GALNTL5: variants seen among roughly 807,000 people sequenced by gnomAD.
GALNTL5 encodes polypeptide N-acetylgalactosaminyltransferase like 5, also known as inactive polypeptide N-acetylgalactosaminyltransferase-like protein 5.
GALNTL5 carries 44 observed loss-of-function variants against 51.0 expected under a neutral mutation model. That is an observed-to-expected ratio of 0.86 (90% CI 0.68 to 1.11). The LOEUF is 1.11. Ranked by LOEUF, GALNTL5 falls within the 50% of genes least tolerant of loss-of-function variation. The pLI is 0.00. For synonymous variants in GALNTL5, 192 were observed against 182.8 expected, an observed-to-expected ratio of 1.05 and a Z score of -0.41; for missense variants, 528 against 531.8, an observed-to-expected ratio of 0.99 and a Z score of 0.07.
chr7:151,983,891 G>C (rs552598852), intron 4 of GALNTL5, among the ~76,000 whole-genome samples: 44 of 152,282 alleles, frequency 2.9e-4, no homozygotes, highest in African/African-American at 1.0e-3. Flanking sequence ...AGAGTTGCAG[G>C]GGGGAGGTGG....
chr7:151,999,120 T>G (rs559431505), intron 5 of GALNTL5, among the ~76,000 whole-genome samples: 12 of 152,340 alleles, frequency 7.9e-5, no homozygotes, highest in African/African-American at 2.6e-4. Flanking sequence ...ATCAACGGAA[T>G]CATACAATAT....
At chr7:152,018,833 C>G (rs373771934) in intron 8 of GALNTL5, among the ~76,000 whole-genome samples, 2 of 152,114 alleles carry the variant, frequency 1.3e-5, no homozygotes, top group Non-Finnish European at 2.9e-5. Flanking sequence ...ATATGGCATG[C>G]CCATAATACA....
chr7:152,004,686 T>C (rs970204261), intron 6 of GALNTL5, among the ~76,000 whole-genome samples: 1 of 152,244 alleles, frequency 6.6e-6, no homozygotes, highest in Non-Finnish European at 1.5e-5. Flanking sequence ...TTCCCACTTA[T>C]AAATGAGAAC....
intron 1 of GALNTL5, among the ~76,000 whole-genome samples, chr7:151,959,018 T>C (rs554584044): frequency 3.0e-4 from 45 of 152,224 alleles, no homozygotes; most frequent in Non-Finnish European, 5.4e-4. Flanking sequence ...AATAACACCA[T>C]TTGATTGGCT....
Position 151,987,147 on chromosome 7 carries a change from A to G in GALNTL5, c.536-12A>G. On this transcript the variant is annotated splice_polypyrimidine_tract_variant and intron_variant, in intron 4 of 8. Coordinates refer to ENST00000392800, the MANE Select transcript of GALNTL5 (RefSeq NM_145292.4). Reference sequence around the variant, plus strand: ...CCGTTTATACATTCTCATGTGTTGAATATTTTTCCAGATGATTTGAAAGAA... The same window carrying G: ...CCGTTTATACATTCTCATGTGTTGAGTATTTTTCCAGATGATTTGAAAGAA... 6.3e-7 allele frequency: 1 copy of G among 1,585,466 alleles called. No homozygotes were observed. The highest frequency in any genetic ancestry group is 1.2e-5 in the South Asian group (1 of 84,798).
chr7:151,967,604 G>A (rs758458001), intron 2 of GALNTL5, 111 bp downstream of exon 2: 5 of 845,202 alleles, frequency 5.9e-6, no homozygotes, highest in South Asian at 1.9e-5. Context: ...TACTTTTTAA[G>A]ATATAAATTA....
intron 4 of GALNTL5, chr7:151,984,150 G>C (rs1378633310): frequency 6.6e-6 from 1 of 152,230 alleles, no homozygotes. Context: ...GCAGGAAAAT[G>C]AGATGATCTA....
intron 7 of GALNTL5, among the ~76,000 whole-genome samples, chr7:152,013,273 G>A (rs1396272545): frequency 6.6e-6 from 1 of 151,798 alleles, no homozygotes; most frequent in Non-Finnish European, 1.5e-5. Context: ...GAAATGACCT[G>A]TGCTCAAAAC....
At chr7:151,988,152 A>G (rs1770594552) in intron 5 of GALNTL5, among the ~76,000 whole-genome samples, 1 of 152,212 alleles carries the variant, frequency 6.6e-6, no homozygotes, top group Non-Finnish European at 1.5e-5. Context: ...GGCATGGACC[A>G]GTCATTGGAT....
chr7:151,997,659 T>A (rs1415436468), intron 5 of GALNTL5, among the ~76,000 whole-genome samples: 2 of 152,358 alleles, frequency 1.3e-5, no homozygotes, highest in Middle Eastern at 3.4e-3. Flanking sequence ...ATTTATGGTC[T>A]TTCTGGGTCA....
At chr7:151,992,104 T>C (rs183340497) in intron 5 of GALNTL5, among the ~76,000 whole-genome samples, 29 of 152,348 alleles carry the variant, frequency 1.9e-4, no homozygotes, top group South Asian at 1.0e-3. Context: ...TTGGTATATT[T>C]GATCTTGTAA....
chr7:151,971,603 A>G (rs2081143637), intron 3 of GALNTL5, among the ~76,000 whole-genome samples: 1 of 152,148 alleles, frequency 6.6e-6, no homozygotes, highest in Non-Finnish European at 1.5e-5. Flanking sequence ...ATCCATCTCC[A>G]GAACTCTCTC....
chr7:151,987,226 C>A lies in GALNTL5; in HGVS notation c.603C>A (p.Asn201Lys). The A allele has an allele frequency of 1.3e-6, 2 of 1,598,688 alleles. No homozygotes were observed. The highest frequency in any genetic ancestry group is 1.8e-5 in the Admixed American group (1 of 56,228). ...TFRGKVKIIR[N>K]KKREGLIRAR... ...GGGGAAAGGTTAAAATAATAAGAAA[C>A]AAAAAGAGAGAGGGGCTGATTCGAG... Residue 201 changes from asparagine to lysine, a missense_variant, in exon 5 of 9, where the codon AAC becomes AAA. Coordinates refer to ENST00000392800, the MANE Select transcript of GALNTL5 (RefSeq NM_145292.4).
chr7:151,989,748 G>A (rs754238299), intron 5 of GALNTL5, among the ~76,000 whole-genome samples: 24 of 152,102 alleles, frequency 1.6e-4, no homozygotes, highest in African/African-American at 4.6e-4. Context: ...AATATGGCCC[G>A]TCTTTTTAAT....
At chr7:151,963,665 T>G (rs1445912249) in intron 1 of GALNTL5, among the ~76,000 whole-genome samples, 1 of 152,222 alleles carries the variant, frequency 6.6e-6, no homozygotes, top group Non-Finnish European at 1.5e-5. Context: ...CTGGAAGTGC[T>G]GGGATTACAG....
chr7:151,956,754 TTTTA>T (rs776801925), intron 1 of GALNTL5, 145 bp downstream of exon 1: 6 of 152,144 alleles, frequency 3.9e-5, no homozygotes, highest in Non-Finnish European at 5.9e-5. Flanking sequence ...AGAAGATTTA[TTTTA>T]TTTTTTAAAG....
At chr7:152,005,422 A>G (rs1040651701) in intron 6 of GALNTL5, among the ~76,000 whole-genome samples, 3 of 151,874 alleles carry the variant, frequency 2.0e-5, no homozygotes, top group Non-Finnish European at 4.4e-5. Flanking sequence ...GCTGACTCCA[A>G]CGTTTTCGGC....
intron 5 of GALNTL5, among the ~76,000 whole-genome samples, chr7:151,989,185 T>C (rs2081397000): frequency 6.6e-6 from 1 of 152,006 alleles, no homozygotes; most frequent in Admixed American, 6.6e-5. Context: ...AGTCTCGCTC[T>C]GTCACCCAGG....
chr7:151,982,745 C>A, intron 3 of GALNTL5: 1 of 692,942 alleles, frequency 1.4e-6, no homozygotes, highest in Non-Finnish European at 2.4e-6. Context: ...AACACAGTCT[C>A]AGGAAAGAGC....
Sources: allele counts gnomAD v4.1 joint callset (sites outside exome capture counted in the v4.1 genomes callset), GRCh38; gene constraint gnomAD v4.1.1; transcripts MANE v1.5; gene names NCBI Gene and HGNC (gene_info 2026-07-23, HGNC 2026-07-21).